The following CACNB4 variants were observed in gnomAD, a reference collection of about 807,000 sequenced individuals.
CACNB4 encodes the protein voltage-dependent L-type calcium channel subunit beta-4.
A neutral mutation model predicts 71.2 loss-of-function variants in CACNB4; 32 were observed. The observed-to-expected ratio is 0.45, with a 90% CI of 0.34 to 0.60. CACNB4 has a LOEUF of 0.60. CACNB4 is among the 20% of genes least tolerant of loss of function. CACNB4 has a pLI of 0.01. For missense variants in CACNB4, 464 were observed against 647.9 expected (o/e 0.72, Z 3.08); for synonymous variants, 231 against 236.9 (o/e 0.97, Z 0.23).
chr2:152,047,381 G>A (rs888116397), intron 2 of CACNB4, among the ~76,000 whole-genome samples: 8 of 152,186 alleles, frequency 5.3e-5, no homozygotes, highest in Non-Finnish European at 1.0e-4. Context: ...GCCAAACCCT[G>A]ACATTCCTTC....
intron 2 of CACNB4, among the ~76,000 whole-genome samples, chr2:152,078,398 TA>T (rs1281209686): frequency 6.6e-6 from 1 of 152,198 alleles, no homozygotes; most frequent in East Asian, 1.9e-4. Context: ...GAAATGCTTC[TA>T]CGTGAAAACC....
intron 2 of CACNB4, among the ~76,000 whole-genome samples, chr2:152,018,353 G>C (rs1683463805): frequency 1.3e-5 from 2 of 151,894 alleles, no homozygotes; most frequent in Admixed American, 6.6e-5. Context: ...GGAGCATCAG[G>C]GTTGAGACCC....
At position 152,098,889 on chromosome 2, in the gene CACNB4, G is replaced by A; in HGVS notation, c.63+60C>T. Reference sequence around the variant, plus strand: ...CACGAAGGCGGGGCGCGCTAGGGCGGCGGAGGAGGTGTGAGGAAGGAAGAG... The same window carrying A: ...CACGAAGGCGGGGCGCGCTAGGGCGACGGAGGAGGTGTGAGGAAGGAAGAG... On this transcript the variant is annotated intron_variant, in intron 1 of 13. Transcript: ENST00000539935. This position sits in a 1 kb window ranked among gnomAD's most constrained non-coding sequence, Gnocchi z 5.3. 1 of 1,270,206 alleles carries A rather than the reference G, an allele frequency of 7.9e-7. No individual in the cohort carries two copies. The highest frequency in any genetic ancestry group is 1.1e-6 in the Non-Finnish European group (1 of 933,368). 78.7% of individuals were successfully genotyped at this position (1,270,206 alleles called of 1,614,324 possible). A position where few individuals can be genotyped will look rare whatever the true frequency, so the allele number is the denominator to read the frequency against.
At chr2:152,058,548 C>A (rs1281300601) in intron 2 of CACNB4, among the ~76,000 whole-genome samples, 1 of 152,324 alleles carries the variant, frequency 6.6e-6, no homozygotes, top group Non-Finnish European at 1.5e-5. Flanking sequence ...AAGAGACTGG[C>A]AGCATTTTGC....
chr2:151,897,504 C>A (rs935742601), intron 2 of CACNB4, among the ~76,000 whole-genome samples: 1 of 152,084 alleles, frequency 6.6e-6, no homozygotes, highest in Non-Finnish European at 1.5e-5. Flanking sequence ...TTGTTGGAAA[C>A]TTTTTTGGAC....
chr2:152,091,031 G>A (rs1030176078), intron 2 of CACNB4, among the ~76,000 whole-genome samples: 2 of 150,276 alleles, frequency 1.3e-5, no homozygotes, highest in African/African-American at 4.9e-5. Context: ...GCAACAGAGT[G>A]TGACTCCATC....
rs1294169227 is a variant in CACNB4 at position 152,098,075 on chromosome 2, C to A, written c.147+255G>T. On this transcript the variant is annotated intron_variant, in intron 2 of 13. Transcript: ENST00000539935. This position sits in a 1 kb window ranked among gnomAD's most constrained non-coding sequence, Gnocchi z 5.3. ...TAAATTCAACGTCCCTGACTTAAGC[C>A]AGGTCCCCACCGAACTGTCCACACA... Among the ~76,000 whole-genome samples, 1 of 152,254 alleles carries A rather than the reference C, an allele frequency of 6.6e-6. No individual in the cohort carries two copies. Among genetic ancestry groups the A allele is most frequent in the Non-Finnish European group, 1.5e-5 (1 of 68,040 alleles).
At chr2:152,047,392 C>T (rs1268386237) in intron 2 of CACNB4, among the ~76,000 whole-genome samples, 1 of 152,200 alleles carries the variant, frequency 6.6e-6, no homozygotes, top group African/African-American at 2.4e-5. Flanking sequence ...ACATTCCTTC[C>T]TGCTGACCCC....
chr2:151,862,948 G>A (rs141896813), intron 9 of CACNB4, among the ~76,000 whole-genome samples: 46 of 152,222 alleles, frequency 3.0e-4, no homozygotes, highest in African/African-American at 9.9e-4. Flanking sequence ...ATCAAGTTGA[G>A]GTAGAGTAAA....
Position 151,838,988 on chromosome 2 carries a change from T to C in CACNB4, c.*131A>G. 1 of 744,300 alleles carries C rather than the reference T, an allele frequency of 1.3e-6. No homozygotes were observed. The highest frequency in any genetic ancestry group is 3.2e-5 in the Admixed American group (1 of 31,456). The allele number at this position is 744,300 out of a possible 1,614,324, so 46.1% of individuals were successfully genotyped here. A position where few individuals can be genotyped will look rare whatever the true frequency, so the allele number is the denominator to read the frequency against. ...TGTAATTTTTTTTTTTGCCCCTTAC[T>C]TAGCATAAAATGACAGCAGCCCATT... is the stretch of plus-strand genomic sequence containing the variant. On this transcript the variant is annotated 3_prime_UTR_variant, in exon 14 of 14. Coordinates refer to ENST00000539935, the MANE Select transcript of CACNB4 (RefSeq NM_000726.5).
chr2:152,061,531 A>G (rs545926942), intron 2 of CACNB4, among the ~76,000 whole-genome samples: 1 of 152,282 alleles, frequency 6.6e-6, no homozygotes, highest in East Asian at 1.9e-4. Context: ...TTTGTGAAGT[A>G]AAAAGAGCAT....
chr2:151,846,964 CATTTAT>C (rs1268493945), intron 12 of CACNB4, among the ~76,000 whole-genome samples: 1 of 152,080 alleles, frequency 6.6e-6, no homozygotes, highest in Non-Finnish European at 1.5e-5. Flanking sequence ...CATTGCTTTA[CATTTAT>C]TTGTTGTACA....
At chr2:152,079,279 G>A (rs1687212093) in intron 2 of CACNB4, among the ~76,000 whole-genome samples, 2 of 151,806 alleles carry the variant, frequency 1.3e-5, no homozygotes, top group Non-Finnish European at 2.9e-5. Context: ...TAGTAGAGAT[G>A]GGGTTTCACC....
intron 2 of CACNB4, among the ~76,000 whole-genome samples, chr2:152,007,207 G>T (rs1212163343): frequency 6.6e-6 from 1 of 152,032 alleles, no homozygotes; most frequent in Non-Finnish European, 1.5e-5. Flanking sequence ...GGGAAAATAT[G>T]CATAACAAAA....
At position 151,894,182 on chromosome 2, in the gene CACNB4, A is replaced by T. The variant is rs552626021; in HGVS notation, c.148-10812T>A. On this transcript the variant is annotated intron_variant, in intron 2 of 13. Transcript: ENST00000539935. ...TCTCTAAAAAAGATAAAAATAATTT[A>T]AAAATCTCAACAAAATACTAGCAAA... is the stretch of plus-strand genomic sequence containing the variant. 1.2e-4 allele frequency among the ~76,000 whole-genome samples: 19 copies of T among 152,336 alleles called. No homozygotes were observed. In the East Asian group the frequency reaches 1.9e-3, roughly 15 times the overall value.
At chr2:151,882,766 T>G (rs764406472) in intron 3 of CACNB4, among the ~76,000 whole-genome samples, 6 of 152,218 alleles carry the variant, frequency 3.9e-5, no homozygotes, top group Non-Finnish European at 5.9e-5. Context: ...ATTGCTTGTC[T>G]TTGCTGCACT....
chr2:151,856,643 T>C (rs2099840401), intron 10 of CACNB4: 1 of 152,132 alleles, frequency 6.6e-6, no homozygotes, highest in South Asian at 2.1e-4. Context: ...TTTTTGGCTA[T>C]AGGTGTGACC....
chr2:151,960,918 C>T lies in CACNB4; in HGVS notation c.148-77548G>A, dbSNP rs1337436525. 4.6e-5 allele frequency among the ~76,000 whole-genome samples: 7 copies of T among 152,138 alleles called. No individual in the cohort carries two copies. In the South Asian group the frequency reaches 6.2e-4, roughly 14 times the overall value. Reference sequence around the variant, plus strand: ...ATGTGCACATATCATACATGTAGATCAATGGATTTTCACATATTTTACACA... The same window carrying T: ...ATGTGCACATATCATACATGTAGATTAATGGATTTTCACATATTTTACACA... On this transcript the variant is annotated intron_variant, in intron 2 of 13. Transcript: ENST00000539935.
intron 2 of CACNB4, among the ~76,000 whole-genome samples, chr2:152,064,251 C>T (rs1475146415): frequency 6.6e-6 from 1 of 152,072 alleles, no homozygotes; most frequent in East Asian, 1.9e-4. Context: ...CTTTGGCAGC[C>T]CAGGGAGAAG....
Sources: allele counts gnomAD v4.1 joint callset (sites outside exome capture counted in the v4.1 genomes callset), GRCh38; gene constraint gnomAD v4.1.1; non-coding constraint Gnocchi (gnomAD v3.1); transcripts MANE v1.5; gene names NCBI Gene and HGNC (gene_info 2026-07-23, HGNC 2026-07-21).